ARL15: variants seen among roughly 807,000 people sequenced by gnomAD.
The protein encoded by ARL15 is ADP-ribosylation factor-like protein 15.
Under a neutral mutation model 25.2 loss-of-function variants are expected in ARL15, and 19 were observed. The observed-to-expected ratio is 0.75, with a 90% CI of 0.53 to 1.10. The LOEUF is 1.10. Ranked by LOEUF, ARL15 falls within the 50% of genes least tolerant of loss-of-function variation. The probability of loss-of-function intolerance (pLI) is 0.00; values close to 1 mark genes in which losing one functional copy is unlikely to be tolerated. For missense variants in ARL15, 220 were observed against 246.0 expected, an observed-to-expected ratio of 0.89 and a Z score of 0.71; for synonymous variants, 94 against 86.8, an observed-to-expected ratio of 1.08 and a Z score of -0.46.
At chr5:54,213,846 T>C (rs978772333) in intron 1 of ARL15, among the ~76,000 whole-genome samples, 4 of 152,210 alleles carry the variant, frequency 2.6e-5, no homozygotes, top group Non-Finnish European at 5.9e-5. Context: ...ATTCAAAGAT[T>C]TGAAGATGGA....
In ARL15 at chr5:54,166,915, T is replaced by C. The variant is rs1233423959; in HGVS notation, c.193+4869A>G. On this transcript the variant is annotated intron_variant, in intron 2 of 4. Transcript: ENST00000504924. ...GAATTTTACCTTGTTGAGTGATGAATATTTTTTCTTTAAATCCTATACAGC... is the reference window on the plus strand; with the variant it reads ...GAATTTTACCTTGTTGAGTGATGAACATTTTTTCTTTAAATCCTATACAGC... Among the ~76,000 whole-genome samples, 3 of 151,720 alleles carry C rather than the reference T, an allele frequency of 2.0e-5. No individual in the cohort carries two copies. The East Asian group carries it at 5.9e-4, about 30-fold the overall frequency.
In ARL15 at chr5:54,171,909, C is replaced by T; in HGVS notation, c.68G>A (p.Cys23Tyr). Residue 23 changes from cysteine (C) to tyrosine (Y), a missense_variant, in exon 2 of 5, where the codon TGC (cysteine) becomes TAC (tyrosine). Coordinates refer to ENST00000504924, the MANE Select transcript of ARL15 (RefSeq NM_019087.3). ...MDYLCFRALC[C>Y]KGPPPARPEY... Reference sequence around the variant, plus strand: ...TGGTCGTGCAGGTGGTGGTCCCTTGCAGCAAAGTGCTCTAAAACACTGCCA... The same window carrying T: ...TGGTCGTGCAGGTGGTGGTCCCTTGTAGCAAAGTGCTCTAAAACACTGCCA... 6.2e-7 allele frequency: 1 copy of T among 1,612,854 alleles called. No individual in the cohort carries two copies. The highest frequency in any genetic ancestry group is 8.5e-7 in the Non-Finnish European group (1 of 1,179,148).
At chr5:54,018,496 C>T (rs1201437498) in intron 4 of ARL15, among the ~76,000 whole-genome samples, 4 of 152,158 alleles carry the variant, frequency 2.6e-5, no homozygotes, top group Admixed American at 1.3e-4. Flanking sequence ...AAGAAAAAGG[C>T]ACCGTCAAAG....
intron 4 of ARL15, among the ~76,000 whole-genome samples, chr5:53,919,059 G>A (rs1745758416): frequency 6.6e-6 from 1 of 152,112 alleles, no homozygotes; most frequent in Admixed American, 6.5e-5. Context: ...AACATTCACT[G>A]GGCAACTGTA....
intron 4 of ARL15, among the ~76,000 whole-genome samples, chr5:53,916,397 G>T (rs1745648368): frequency 1.3e-5 from 2 of 151,570 alleles, no homozygotes; most frequent in Non-Finnish European, 2.9e-5. Context: ...TACCAATTGG[G>T]TATGATATTT....
chr5:54,197,354 A>C (rs1293926750), intron 1 of ARL15, among the ~76,000 whole-genome samples: 1 of 152,152 alleles, frequency 6.6e-6, no homozygotes, highest in Non-Finnish European at 1.5e-5. Context: ...CAAATGTCTT[A>C]AGGCCACTGT....
chr5:54,168,108 A>G (rs1305691364), intron 2 of ARL15, among the ~76,000 whole-genome samples: 1 of 152,206 alleles, frequency 6.6e-6, no homozygotes, highest in Non-Finnish European at 1.5e-5. Context: ...TATTTTGTTA[A>G]CTGATATATC....
At chr5:53,961,983 T>G (rs982132589) in intron 4 of ARL15, among the ~76,000 whole-genome samples, 4 of 152,224 alleles carry the variant, frequency 2.6e-5, no homozygotes, top group African/African-American at 9.6e-5. Flanking sequence ...AGTTCCCTAC[T>G]GATAGGCATT....
chr5:54,154,929 T>C (rs1451338643), intron 2 of ARL15, among the ~76,000 whole-genome samples: 1 of 152,164 alleles, frequency 6.6e-6, no homozygotes, highest in African/African-American at 2.4e-5. Context: ...AAGACCATCC[T>C]GGGCAACATG....
intron 4 of ARL15, among the ~76,000 whole-genome samples, chr5:54,003,594 A>G (rs2111734975): frequency 6.6e-6 from 1 of 152,292 alleles, no homozygotes; most frequent in East Asian, 1.9e-4. Flanking sequence ...TTCACCTGTG[A>G]TTGTTTGTAG....
chr5:53,951,039 A>G (rs1746931713), intron 4 of ARL15, among the ~76,000 whole-genome samples: 2 of 152,222 alleles, frequency 1.3e-5, no homozygotes, highest in East Asian at 3.9e-4. Flanking sequence ...CACAGTTTTA[A>G]ATGGTTGGGG....
chr5:54,025,459 T>G (rs543602085), intron 4 of ARL15, among the ~76,000 whole-genome samples: 3 of 152,204 alleles, frequency 2.0e-5, no homozygotes, highest in Non-Finnish European at 4.4e-5. Flanking sequence ...GCTGGACTGA[T>G]AAAGAACCTG....
chr5:53,902,870 G>A (rs1194055577), intron 4 of ARL15, among the ~76,000 whole-genome samples: 2 of 152,142 alleles, frequency 1.3e-5, no homozygotes, highest in East Asian at 3.9e-4. Context: ...GGGGAAAGAG[G>A]GGCAGGGAGC....
chr5:54,049,774 G>A (rs1224434549), intron 4 of ARL15, among the ~76,000 whole-genome samples: 2 of 151,826 alleles, frequency 1.3e-5, no homozygotes, highest in Non-Finnish European at 2.9e-5. Flanking sequence ...GTTTCGCCAT[G>A]TTGCCCAGGC....
At chr5:54,004,596 TC>T (rs1561185117) in intron 4 of ARL15, among the ~76,000 whole-genome samples, 2 of 152,098 alleles carry the variant, frequency 1.3e-5, no homozygotes, top group Non-Finnish European at 2.9e-5. Context: ...GTGGCAGATC[TC>T]AAGTCCACAC....
chr5:53,969,997 C>A (rs1747683442), intron 4 of ARL15, among the ~76,000 whole-genome samples: 1 of 152,082 alleles, frequency 6.6e-6, no homozygotes, highest in Admixed American at 6.5e-5. Flanking sequence ...TGATTGCATG[C>A]TGGATAAAAG....
intron 1 of ARL15, among the ~76,000 whole-genome samples, chr5:54,271,159 C>G (rs949828918): frequency 1.2e-4 from 19 of 152,144 alleles, no homozygotes; most frequent in African/African-American, 3.9e-4. Flanking sequence ...TGAACTGAGC[C>G]ACACTACCAG....
chr5:54,020,438 G>A (rs1306903010), intron 4 of ARL15, among the ~76,000 whole-genome samples: 1 of 152,120 alleles, frequency 6.6e-6, no homozygotes, highest in Non-Finnish European at 1.5e-5. Flanking sequence ...GCAATAATGA[G>A]GTATGCCTAC....
intron 1 of ARL15, among the ~76,000 whole-genome samples, chr5:54,275,946 G>T (rs904905177): frequency 1.3e-5 from 2 of 151,534 alleles, no homozygotes; most frequent in East Asian, 3.9e-4. Flanking sequence ...GCCCACCTCG[G>T]CCTCCCAAAG....
Sources: allele counts gnomAD v4.1 joint callset (sites outside exome capture counted in the v4.1 genomes callset), GRCh38; gene constraint gnomAD v4.1.1; transcripts MANE v1.5; gene names NCBI Gene and HGNC (gene_info 2026-07-23, HGNC 2026-07-21).